The following STAU2 variants were observed in gnomAD, a reference collection of about 807,000 sequenced individuals.
The protein encoded by STAU2 is double-stranded RNA-binding protein Staufen homolog 2.
Under a neutral mutation model 65.9 loss-of-function variants are expected in STAU2, and 20 were observed. The observed-to-expected ratio is 0.30, with a 90% confidence interval of 0.21 to 0.44. The LOEUF is 0.44. Ranked by LOEUF, STAU2 falls within the 20% of genes least tolerant of loss-of-function variation. The pLI is 1.00. For synonymous variants in STAU2, 232 were observed against 233.9 expected (o/e 0.99, Z 0.07); for missense variants, 558 against 683.9 (o/e 0.82, Z 2.05).
At chr8:73,746,242 C>T (rs1205637938) in intron 1 of STAU2, among the ~76,000 whole-genome samples, 2 of 151,952 alleles carry the variant, frequency 1.3e-5, no homozygotes, top group African/African-American at 2.4e-5. Flanking sequence ...CGGCGCGCCC[C>T]GGCCCCGCCG....
chr8:73,719,169 C>A (rs1474516997), intron 3 of STAU2, among the ~76,000 whole-genome samples: 2 of 152,006 alleles, frequency 1.3e-5, no homozygotes, highest in African/African-American at 4.8e-5. Flanking sequence ...TTTGGGAGGC[C>A]GAGGCAGGTG....
intron 12 of STAU2, among the ~76,000 whole-genome samples, chr8:73,571,979 T>C (rs548188942): frequency 2.0e-5 from 3 of 151,512 alleles, no homozygotes; most frequent in Middle Eastern, 3.4e-3. Context: ...TTTGAAAAGA[T>C]CAACAAAATT....
chr8:73,443,856 A>C (rs1240216151), intron 13 of STAU2, among the ~76,000 whole-genome samples: 2 of 151,672 alleles, frequency 1.3e-5, no homozygotes, highest in South Asian at 4.2e-4. Context: ...TCTTAAAAAA[A>C]AAAAAAAGTA....
intron 13 of STAU2, among the ~76,000 whole-genome samples, chr8:73,450,319 A>G (rs1457008410): frequency 6.6e-6 from 1 of 152,198 alleles, no homozygotes; most frequent in African/African-American, 2.4e-5. Context: ...GGAAAATTGC[A>G]CACATTTTTA....
At chr8:73,554,982 A>G (rs1321195440) in intron 12 of STAU2, among the ~76,000 whole-genome samples, 2 of 152,208 alleles carry the variant, frequency 1.3e-5, no homozygotes, top group African/African-American at 4.8e-5. Context: ...ATACTCTCTT[A>G]GTTAAGCTCC....
intron 6 of STAU2, among the ~76,000 whole-genome samples, chr8:73,660,815 G>A (rs1352547744): frequency 6.6e-6 from 1 of 151,928 alleles, no homozygotes; most frequent in African/African-American, 2.4e-5. Context: ...TTTTAACACG[G>A]GCCAAAAATA....
At chr8:73,486,217 T>C (rs957513348) in intron 13 of STAU2, among the ~76,000 whole-genome samples, 2 of 152,088 alleles carry the variant, frequency 1.3e-5, no homozygotes, top group Admixed American at 1.3e-4. Flanking sequence ...GGGGCTGCCA[T>C]TAGTAAACAC....
intron 13 of STAU2, chr8:73,527,654 G>A: frequency 2.0e-6 from 3 of 1,484,006 alleles, no homozygotes; most frequent in South Asian, 1.2e-5. Context: ...TTCCGAGCTG[G>A]GCCATAACAC....
chr8:73,495,980 C>T (rs1052016343), intron 13 of STAU2, among the ~76,000 whole-genome samples: 8 of 151,436 alleles, frequency 5.3e-5, no homozygotes, highest in African/African-American at 1.9e-4. Flanking sequence ...TTAGCAGACA[C>T]CTCCAAATAA....
intron 3 of STAU2, among the ~76,000 whole-genome samples, chr8:73,718,388 T>A (rs1821404331): frequency 6.6e-6 from 1 of 152,164 alleles, no homozygotes; most frequent in African/African-American, 2.4e-5. Context: ...AAAATAACCA[T>A]CTTTGTAAAC....
intron 10 of STAU2, among the ~76,000 whole-genome samples, chr8:73,596,663 ATATAGTGAGACCCC>A (rs1811211273): frequency 6.6e-6 from 1 of 152,030 alleles, no homozygotes; most frequent in African/African-American, 2.4e-5. Flanking sequence ...CGCCTGGGCA[ATATAGTGAGACCCC>A]ATTTTTACAA....
chr8:73,592,824 A>G (rs947850615), intron 11 of STAU2, among the ~76,000 whole-genome samples: 9 of 152,106 alleles, frequency 5.9e-5, no homozygotes, highest in Non-Finnish European at 8.8e-5. Context: ...GCACCACTGC[A>G]CTCCAGCCTG....
chr8:73,743,414 G>A (rs1176359213), intron 1 of STAU2, among the ~76,000 whole-genome samples: 1 of 150,834 alleles, frequency 6.6e-6, no homozygotes, highest in Non-Finnish European at 1.5e-5. Flanking sequence ...CTGGCCCAAA[G>A]TCGTCTTTTC....
chr8:73,466,254 T>C (rs1026094493), intron 13 of STAU2, among the ~76,000 whole-genome samples: 1 of 152,244 alleles, frequency 6.6e-6, no homozygotes, highest in Non-Finnish European at 1.5e-5. Flanking sequence ...CTCATGGAGT[T>C]ACCCATGCAT....
At chr8:73,633,084 GCACTTAAAAGGAGTC>G (rs1329706040) in intron 6 of STAU2, among the ~76,000 whole-genome samples, 1 of 152,178 alleles carries the variant, frequency 6.6e-6, no homozygotes, top group East Asian at 1.9e-4. Context: ...ATGATACCTA[GCACTTAAAAGGAGTC>G]CACTACATAT....
chr8:73,629,754 C>T (rs907278741), intron 6 of STAU2, among the ~76,000 whole-genome samples: 12 of 152,130 alleles, frequency 7.9e-5, no homozygotes, highest in African/African-American at 2.4e-4. Context: ...GCCAATACCA[C>T]TGTCTGACTC....
chr8:73,687,110 TATAA>T (rs1414402054), intron 5 of STAU2, among the ~76,000 whole-genome samples: 3 of 145,016 alleles, frequency 2.1e-5, no homozygotes, highest in African/African-American at 5.0e-5. Flanking sequence ...CCAGGCTATA[TATAA>T]ATATATAGTT....
intron 12 of STAU2, among the ~76,000 whole-genome samples, chr8:73,560,397 T>G (rs545719733): frequency 2.0e-5 from 3 of 152,244 alleles, no homozygotes; most frequent in African/African-American, 7.2e-5. Flanking sequence ...TGTATTTTAA[T>G]GTGCTCAAAA....
intron 3 of STAU2, among the ~76,000 whole-genome samples, chr8:73,712,369 C>A (rs1820961959): frequency 6.6e-6 from 1 of 152,158 alleles, no homozygotes; most frequent in Non-Finnish European, 1.5e-5. Flanking sequence ...TTACTAATAT[C>A]TGTGTGACCT....
Sources: gnomAD v4.1 joint callset for allele counts (sites outside exome capture counted in the v4.1 genomes callset) on GRCh38, gnomAD v4.1.1 for gene constraint, MANE v1.5 for transcripts, NCBI Gene and HGNC (gene_info 2026-07-23, HGNC 2026-07-21) for gene names.